Variants in ZFHX3 observed in about 807,000 individuals in gnomAD.
ZFHX3 encodes zinc finger homeobox protein 3.
A neutral mutation model predicts 279.1 loss-of-function variants in ZFHX3; 42 were observed. The observed-to-expected ratio is 0.15, with a 90% CI of 0.12 to 0.19. ZFHX3 has a LOEUF of 0.19. Among genes scored for constraint, ZFHX3 ranks in the 10% least tolerant of loss-of-function variants. The pLI, the probability that ZFHX3 is intolerant of heterozygous loss-of-function variation, is 1.00. For synonymous variants in ZFHX3, 2,293 were observed against 1,957.8 expected, an observed-to-expected ratio of 1.17 and a Z score of -4.52; for missense variants, 4,981 against 4,754.0, an observed-to-expected ratio of 1.05 and a Z score of -1.40.
intron 1 of ZFHX3, among the ~76,000 whole-genome samples, chr16:73,696,894 G>A (rs1374912223): frequency 6.6e-6 from 1 of 152,050 alleles, no homozygotes; most frequent in Non-Finnish European, 1.5e-5. Context: ...TGAACTCCAA[G>A]CTTAAATTAT....
At chr16:73,661,506 A>C (rs762080449) in intron 2 of ZFHX3, among the ~76,000 whole-genome samples, 7 of 152,152 alleles carry the variant, frequency 4.6e-5, no homozygotes, top group South Asian at 2.1e-4. Flanking sequence ...AGATCAGTTG[A>C]GGTTGGAAGT....
At chr16:73,221,996 T>A (rs915746659) in intron 5 of ZFHX3, among the ~76,000 whole-genome samples, 1 of 152,142 alleles carries the variant, frequency 6.6e-6, no homozygotes, top group Non-Finnish European at 1.5e-5. Context: ...GTTGGACATT[T>A]AGGTTATTTA....
At chr16:72,955,109 C>A (rs73592719) in intron 2 of ZFHX3, among the ~76,000 whole-genome samples, 9,099 of 152,236 alleles carry the variant, frequency 0.06, 450 homozygotes, top group African/African-American at 0.12. Flanking sequence ...CCTATGGCCC[C>A]CACACCCACT....
At position 73,429,886 on chromosome 16, in the gene ZFHX3, C is replaced by T. The variant is rs115016302; in HGVS notation, c.-1291+26117G>A. Among the ~76,000 whole-genome samples, 485 of 151,928 alleles carry T rather than the reference C, an allele frequency of 3.2e-3. 2 individuals carry two copies. The highest frequency in any genetic ancestry group is 0.011 in the African/African-American group (464 of 41,404). ...GTGTAATTGATGAGAGCCTTCTCTT[C>T]CACTCTTTTCTGTTGGTTCGAGACA... On this transcript the variant is annotated intron_variant, in intron 3 of 17. Coordinates refer to the ZFHX3 transcript ENST00000641206.
intron 1 of ZFHX3, chr16:73,058,508 A>T: frequency 7.4e-6 from 1 of 135,830 alleles, no homozygotes; most frequent in Non-Finnish European, 1.5e-5. Flanking sequence ...GAAAAAAAAA[A>T]GAGGGAAAAG....
intron 1 of ZFHX3, among the ~76,000 whole-genome samples, chr16:73,773,484 G>A (rs1288580436): frequency 6.6e-6 from 1 of 152,192 alleles, no homozygotes; most frequent in African/African-American, 2.4e-5. Flanking sequence ...CCTGTCTCTG[G>A]GGATAAGCAG....
chr16:73,141,345 C>G (rs945564617), intron 6 of ZFHX3, among the ~76,000 whole-genome samples: 1 of 151,876 alleles, frequency 6.6e-6, no homozygotes, highest in African/African-American at 2.4e-5. Flanking sequence ...AAAGTAGTTG[C>G]TGATATTTGA....
At chr16:72,955,919 C>T (rs956764158) in intron 2 of ZFHX3, among the ~76,000 whole-genome samples, 1 of 152,150 alleles carries the variant, frequency 6.6e-6, no homozygotes, top group Non-Finnish European at 1.5e-5. Flanking sequence ...CTAATTCCTA[C>T]TGGCTTAAAG....
chr16:72,862,076 T>G (rs549267518), intron 4 of ZFHX3, among the ~76,000 whole-genome samples: 39 of 152,340 alleles, frequency 2.6e-4, no homozygotes, highest in Non-Finnish European at 3.8e-4. Context: ...CTCTGCTCCC[T>G]GAGACCATAT....
intron 1 of ZFHX3, among the ~76,000 whole-genome samples, chr16:73,831,681 G>C (rs328366): frequency 0.35 from 53,910 of 151,978 alleles, 9,922 homozygotes; most frequent in African/African-American, 0.42. Flanking sequence ...GTAGAACTCT[G>C]CCACCAAGAA....
rs192389154 is a variant in ZFHX3, at chr16:73,250,604, G to A, written c.-1104+6443C>T. On this transcript the variant is annotated intron_variant, in intron 5 of 17. Transcript: ENST00000641206. ...GCTGGGGTGCAGGGGTGCGATCTTG[G>A]CTCACTGCAAGCTCCAGCTCCTGGA... 1.5e-3 allele frequency among the ~76,000 whole-genome samples: 222 copies of A among 152,198 alleles called. 1 individual carries two copies. Among genetic ancestry groups the A allele is most frequent in the African/African-American group, 5.2e-3 (216 of 41,516 alleles).
chr16:73,617,978 C>T (rs1417942932), intron 2 of ZFHX3, among the ~76,000 whole-genome samples: 2 of 152,208 alleles, frequency 1.3e-5, no homozygotes, highest in East Asian at 1.9e-4. Context: ...CATTGGCCTA[C>T]ACTGCAATAG....
intron 7 of ZFHX3, among the ~76,000 whole-genome samples, chr16:72,802,456 C>G (rs940215115): frequency 2.0e-5 from 3 of 152,184 alleles, no homozygotes; most frequent in African/African-American, 7.2e-5. Context: ...GCATCTTAAT[C>G]TGGGCCTCCA....
At chr16:73,712,077 C>G (rs557142857) in intron 1 of ZFHX3, among the ~76,000 whole-genome samples, 9 of 152,204 alleles carry the variant, frequency 5.9e-5, no homozygotes, top group Non-Finnish European at 1.2e-4. Flanking sequence ...GTGGCTCATA[C>G]GGAGGATGGA....
chr16:72,787,694 AGCCGCCGCCGCCGCCGCCGCC>A lies in ZFHX3; in HGVS notation c.10561_10581del (p.Gly3521_Gly3527del), dbSNP rs374416547. On this transcript the variant is annotated inframe_deletion, in exon 10 of 10. Coordinates refer to ENST00000268489, the MANE Select transcript of ZFHX3 (RefSeq NM_006885.4). ...CTCTCGCACGCCAGGCAGTGGTACG[AGCCGCCGCCGCCGCCGCCGCC>A]GCCACCGCCGCCGCCGCCGCCACTG... The A allele has an allele frequency of 1.8e-5, 25 of 1,420,644 alleles. No homozygotes were observed. The highest frequency in any genetic ancestry group is 2.9e-5 in the African/African-American group (2 of 68,308). 88.0% of individuals were successfully genotyped at this position (1,420,644 alleles called of 1,614,324 possible).
At chr16:73,261,480 TTAAAAA>T (rs2013822096) in intron 4 of ZFHX3, among the ~76,000 whole-genome samples, 2 of 152,072 alleles carry the variant, frequency 1.3e-5, no homozygotes, top group African/African-American at 4.8e-5. Context: ...ATATGAAGTA[TTAAAAA>T]TAAAATACTA....
intron 4 of ZFHX3, among the ~76,000 whole-genome samples, chr16:72,832,401 C>T (rs747034356): frequency 6.6e-6 from 1 of 152,078 alleles, no homozygotes; most frequent in Non-Finnish European, 1.5e-5. Context: ...TCCCTCCCTG[C>T]CCTACTGCAA....
At chr16:73,326,226 A>G (rs1311634565) in intron 3 of ZFHX3, among the ~76,000 whole-genome samples, 2 of 152,214 alleles carry the variant, frequency 1.3e-5, no homozygotes, top group Non-Finnish European at 2.9e-5. Context: ...AGAATAATAT[A>G]TCATATGCAA....
intron 8 of ZFHX3, among the ~76,000 whole-genome samples, chr16:73,069,673 A>G (rs1965799374): frequency 6.6e-6 from 1 of 152,180 alleles, no homozygotes; most frequent in South Asian, 2.1e-4. Context: ...CTTCCCACTA[A>G]GGTGACCAAC....
Sources: gnomAD v4.1 joint callset for allele counts (sites outside exome capture counted in the v4.1 genomes callset) on GRCh38, gnomAD v4.1.1 for gene constraint, MANE v1.5 for transcripts, NCBI Gene and HGNC (gene_info 2026-07-23, HGNC 2026-07-21) for gene names.